Variants in CD46 observed in about 807,000 individuals in gnomAD.
CD46 encodes the protein membrane cofactor protein.
Under a neutral mutation model 53.3 loss-of-function variants are expected in CD46, and 30 were observed. That is an observed-to-expected ratio of 0.56 (90% CI 0.42 to 0.76). The LOEUF is 0.76. Ranked by LOEUF, CD46 falls within the 30% of genes least tolerant of loss-of-function variation. CD46 has a pLI of 0.00. For missense variants in CD46, 409 were observed against 463.0 expected (o/e 0.88, Z 1.07); for synonymous variants, 142 against 152.0 (o/e 0.93, Z 0.48).
intron 5 of CD46, 22 bp downstream of exon 5, chr1:207,761,468 T>G: frequency 1.3e-6 from 2 of 1,589,858 alleles, no homozygotes; most frequent in South Asian, 2.2e-5. Flanking sequence ...ATTTATTTCC[T>G]TCTTCATTTG....
chr1:207,766,555 A>G (rs1373773497), intron 5 of CD46, among the ~76,000 whole-genome samples: 2 of 152,188 alleles, frequency 1.3e-5, no homozygotes, highest in African/African-American at 4.8e-5. Context: ...AAAATTATCC[A>G]AATTAGATCC....
chr1:207,770,933 G>A (rs148061647), intron 8 of CD46, among the ~76,000 whole-genome samples: 310 of 152,232 alleles, frequency 2.0e-3, no homozygotes, highest in Non-Finnish European at 3.5e-3. Flanking sequence ...GGGATTACTG[G>A]GTCAAATGGT....
At position 207,783,289 on chromosome 1, in the gene CD46, TA is replaced by T; in HGVS notation, c.944-2del. 6.8e-7 allele frequency: 1 copy of T among 1,463,968 alleles called. No homozygotes were observed. The highest frequency in any genetic ancestry group is 2.3e-5 in the East Asian group (1 of 44,020). 90.7% of individuals were successfully genotyped at this position (1,463,968 alleles called of 1,614,324 possible). A position where few individuals can be genotyped will look rare whatever the true frequency, so the allele number is the denominator to read the frequency against. ...TTAATCTATATTTCTTCTTTTTTCCTAGGATATCCTAAACCTGAGGAAGGAA... is the reference window on the plus strand; with the variant it reads ...TTAATCTATATTTCTTCTTTTTTCCTGGATATCCTAAACCTGAGGAAGGAA... On this transcript the variant is annotated splice_acceptor_variant, in intron 8 of 12. Coordinates refer to ENST00000367042, the MANE Select transcript of CD46 (RefSeq NM_172351.3). LOFTEE classifies it high-confidence loss of function.
chr1:207,757,037 T>A lies in CD46; in HGVS notation c.121T>A (p.Phe41Ile). 6.2e-7 allele frequency: 1 copy of A among 1,613,998 alleles called. No homozygotes were observed. Among genetic ancestry groups the A allele is most frequent in the Non-Finnish European group, 8.5e-7 (1 of 1,179,890 alleles). ...AGATGCCTGTGAGGAGCCACCAACA[T>A]TTGAAGCTATGGAGCTCATTGGTAA... ...FSDACEEPPT[F>I]EAMELIGKPK... The change falls in exon 2 of 13, where the codon TTT (phenylalanine) becomes ATT (isoleucine). Residue 41 changes from phenylalanine to isoleucine, a missense_variant. Physicochemically the swap from Phe to Ile is conservative, Grantham distance 21 (BLOSUM62 0). Coordinates refer to ENST00000367042, the MANE Select transcript of CD46 (RefSeq NM_172351.3).
At position 207,757,528 on chromosome 1, in the gene CD46, AT is replaced by A; in HGVS notation, c.287-8del. On this transcript the variant is annotated splice_polypyrimidine_tract_variant and intron_variant, in intron 2 of 12. Coordinates refer to ENST00000367042, the MANE Select transcript of CD46 (RefSeq NM_172351.3). ...AACTGGATTGAAAACTATCAAAATT[AT>A]TTTCTTTCAGGAGAAACATGTCCAT... 1 of 1,535,414 alleles carries A rather than the reference AT, an allele frequency of 6.5e-7. No individual in the cohort carries two copies. Among genetic ancestry groups the A allele is most frequent in the Non-Finnish European group, 9.0e-7 (1 of 1,113,450 alleles).
chr1:207,759,576 T>C, intron 3 of CD46, 63 bp from the exon 4 acceptor site: 1 of 910,690 alleles, frequency 1.1e-6, no homozygotes, highest in Non-Finnish European at 1.8e-6. Context: ...AAAAATTCCT[T>C]CATTATTATG....
chr1:207,772,467 C>T (rs1162284736), intron 8 of CD46, among the ~76,000 whole-genome samples: 2 of 152,192 alleles, frequency 1.3e-5, no homozygotes, highest in African/African-American at 4.8e-5. Context: ...AGAGGGCATC[C>T]TTGTCTTGTG....
At chr1:207,757,304 A>C in intron 2 of CD46, 102 bp downstream of exon 2, 1 of 1,118,514 alleles carries the variant, frequency 8.9e-7, no homozygotes, top group Non-Finnish European at 1.3e-6. Context: ...CTTCTTGTAA[A>C]ATGAGGTTCA....
chr1:207,759,524 C>A, intron 3 of CD46, 115 bp from the exon 4 acceptor site: 2 of 650,874 alleles, frequency 3.1e-6, no homozygotes, highest in African/African-American at 1.8e-5. Context: ...GTTTAAGAAA[C>A]CACCCCCTCA....
At chr1:207,787,644 A>G (rs1232263143) in intron 11 of CD46, among the ~76,000 whole-genome samples, 1 of 152,242 alleles carries the variant, frequency 6.6e-6, no homozygotes, top group Non-Finnish European at 1.5e-5. Context: ...ATGGTGTGAG[A>G]GACGAAACTC....
intron 11 of CD46, among the ~76,000 whole-genome samples, chr1:207,788,737 G>A (rs1469147339): frequency 6.6e-6 from 1 of 152,162 alleles, no homozygotes; most frequent in African/African-American, 2.4e-5. Flanking sequence ...GGCACAAAAT[G>A]TATTTCTTGT....
chr1:207,753,878 C>T (rs1258053182), intron 1 of CD46, among the ~76,000 whole-genome samples: 3 of 152,142 alleles, frequency 2.0e-5, no homozygotes, highest in Non-Finnish European at 4.4e-5. Flanking sequence ...TAGGAGCATT[C>T]ATTCAACGAA....
At chr1:207,776,641 T>G (rs1658145470) in intron 8 of CD46, among the ~76,000 whole-genome samples, 1 of 152,262 alleles carries the variant, frequency 6.6e-6, no homozygotes, top group Non-Finnish European at 1.5e-5. Context: ...TTGTTTTTGC[T>G]TTTTTGAGAC....
In CD46 at chr1:207,793,515, G is replaced by T. The variant is rs369748406; in HGVS notation, c.*42-4G>T. The stretch of plus-strand genomic sequence containing the variant: ...TGACATGATCTTTATACCTTGGTTT[G>T]CAGGAAAGCAGATGGTGGAGCTGAA... On this transcript the variant is annotated splice_region_variant and splice_polypyrimidine_tract_variant and intron_variant, in intron 12 of 12. Coordinates refer to ENST00000367042, the MANE Select transcript of CD46 (RefSeq NM_172351.3). 3.7e-6 allele frequency: 6 copies of T among 1,610,226 alleles called. No homozygotes were observed. In the East Asian group the frequency reaches 6.7e-5, roughly 18 times the overall value.
At chr1:207,777,567 T>A (rs1350640808) in intron 8 of CD46, among the ~76,000 whole-genome samples, 2 of 152,182 alleles carry the variant, frequency 1.3e-5, no homozygotes, top group Non-Finnish European at 2.9e-5. Flanking sequence ...TAGCCCCCAC[T>A]TATAAGTGAG....
chr1:207,789,478 A>G (rs1003440696), intron 11 of CD46, among the ~76,000 whole-genome samples: 2 of 152,206 alleles, frequency 1.3e-5, no homozygotes, highest in African/African-American at 4.8e-5. Context: ...TAACCCTTCA[A>G]AAATTTTTGA....
At chr1:207,788,668 C>T (rs1327049054) in intron 11 of CD46, among the ~76,000 whole-genome samples, 4 of 152,148 alleles carry the variant, frequency 2.6e-5, no homozygotes, top group Non-Finnish European at 4.4e-5. Flanking sequence ...TCTCCACTTC[C>T]GGGGGTAACT....
Position 207,767,188 on chromosome 1 carries a change from T to C in CD46, c.849T>C (p.Cys283=). The C allele has an allele frequency of 6.2e-7, 1 of 1,612,820 alleles. No individual in the cohort carries two copies. The highest frequency in any genetic ancestry group is 8.5e-7 in the Non-Finnish European group (1 of 1,178,774). The change falls in exon 6 of 13, where the codon TGT becomes TGC. Residue 283 remains cysteine, a synonymous_variant. Transcript: ENST00000367042. ...NSTWDPPVPK[C]LKVSTSSTTK... The stretch of plus-strand genomic sequence containing the variant: ...CTTGGGATCCCCCAGTTCCAAAGTG[T>C]CTTAAAGGTACAAAGGTTATCTTTT...
intron 7 of CD46, chr1:207,768,691 G>A (rs180912334): frequency 2.0e-5 from 3 of 152,190 alleles, no homozygotes; most frequent in Admixed American, 2.0e-4. Context: ...ATTTTGATAT[G>A]ATGGAAGGAA....
Sources: gnomAD v4.1 joint callset for allele counts (sites outside exome capture counted in the v4.1 genomes callset) on GRCh38, gnomAD v4.1.1 for gene constraint, MANE v1.5 for transcripts, NCBI Gene and HGNC (gene_info 2026-07-23, HGNC 2026-07-21) for gene names.